The following CCDC88A variants were observed in gnomAD, a reference collection of about 807,000 sequenced individuals.
CCDC88A encodes girdin.
A neutral mutation model predicts 234.3 loss-of-function variants in CCDC88A; 54 were observed. That is an observed-to-expected ratio of 0.23 (90% CI 0.19 to 0.29). The LOEUF is 0.29. Ranked by LOEUF, CCDC88A falls within the 10% of genes least tolerant of loss-of-function variation. The pLI is 1.00. For missense variants in CCDC88A, 1,832 were observed against 2,123.4 expected (o/e 0.86, Z 2.70); for synonymous variants, 753 against 737.8 (o/e 1.02, Z -0.33).
chr2:55,316,353 C>T (rs1050946301), intron 21 of CCDC88A, among the ~76,000 whole-genome samples: 1 of 152,038 alleles, frequency 6.6e-6, no homozygotes, highest in African/African-American at 2.4e-5. Flanking sequence ...CCCATCTCCA[C>T]ACTGGGAAAA....
At chr2:55,370,494 A>T (rs1672654003) in intron 5 of CCDC88A, among the ~76,000 whole-genome samples, 1 of 151,864 alleles carries the variant, frequency 6.6e-6, no homozygotes. Flanking sequence ...ATAAAAAATT[A>T]GCCAGGTGTG....
At chr2:55,377,526 C>T (rs1673874363) in intron 3 of CCDC88A, among the ~76,000 whole-genome samples, 1 of 151,892 alleles carries the variant, frequency 6.6e-6, no homozygotes, top group African/African-American at 2.4e-5. Flanking sequence ...CTATATCCTA[C>T]TTTGTGAAGA....
rs1367595475 is a variant in CCDC88A at position 55,296,014 on chromosome 2, T to G, written c.5134A>C (p.Lys1712Gln). ...AAGTCAGAAGAGACAGACAAACTTT[T>G]CATTACTTCATCTAAAAGATTCTCT... is the stretch of plus-strand genomic sequence containing the variant. The part of the protein sequence containing the change: ...SQENLLDEVM[K>Q]SLSVSSDFLG... The change falls in exon 31 of 33, where the codon AAA (lysine) becomes CAA (glutamine). Residue 1712 changes from lysine (K) to glutamine (Q), a missense_variant. Coordinates refer to ENST00000436346, the MANE Select transcript of CCDC88A (RefSeq NM_001365480.1). 1 of 1,607,040 alleles carries G rather than the reference T, an allele frequency of 6.2e-7. No homozygotes were observed. Among genetic ancestry groups the G allele is most frequent in the Non-Finnish European group, 8.5e-7 (1 of 1,178,462 alleles).
chr2:55,344,040 T>C (rs1668810014), intron 11 of CCDC88A: 2 of 387,760 alleles, frequency 5.2e-6, no homozygotes, highest in Admixed American at 4.2e-5. Context: ...CATACTGTTT[T>C]AGTGATACAA....
chr2:55,354,260 C>T (rs1335114732), intron 8 of CCDC88A, among the ~76,000 whole-genome samples: 2 of 151,526 alleles, frequency 1.3e-5, no homozygotes, highest in African/African-American at 4.9e-5. Flanking sequence ...CCTGCCTCAG[C>T]CTCCCAGGTA....
intron 17 of CCDC88A, chr2:55,323,419 T>G (rs1683875683): frequency 6.6e-6 from 1 of 152,176 alleles, no homozygotes; most frequent in South Asian, 2.1e-4. Context: ...GACTCAACAA[T>G]TAATATTGCT....
chr2:55,402,113 TTTTG>T (rs1678804233), intron 2 of CCDC88A, among the ~76,000 whole-genome samples: 5 of 152,056 alleles, frequency 3.3e-5, no homozygotes, highest in Admixed American at 6.5e-5. Context: ...CCCAAAGAGC[TTTTG>T]TTTATGTGGG....
chr2:55,401,029 A>T (rs573675229), intron 2 of CCDC88A, among the ~76,000 whole-genome samples: 11 of 152,184 alleles, frequency 7.2e-5, no homozygotes, highest in Non-Finnish European at 1.5e-4. Flanking sequence ...CACCACCATT[A>T]AGGGTTATCC....
intron 2 of CCDC88A, among the ~76,000 whole-genome samples, chr2:55,398,504 T>G (rs1303983075): frequency 6.6e-6 from 1 of 152,136 alleles, no homozygotes; most frequent in East Asian, 1.9e-4. Flanking sequence ...ATGCCCAGTT[T>G]GAGTAAGGGC....
At chr2:55,311,377 C>T (rs1055044677) in intron 23 of CCDC88A, among the ~76,000 whole-genome samples, 2 of 152,174 alleles carry the variant, frequency 1.3e-5, no homozygotes, top group Non-Finnish European at 2.9e-5. Flanking sequence ...ATAATGTTCC[C>T]TGCCTGAAAT....
At chr2:55,389,360 A>C (rs976804334) in intron 2 of CCDC88A, among the ~76,000 whole-genome samples, 1 of 152,182 alleles carries the variant, frequency 6.6e-6, no homozygotes, top group African/African-American at 2.4e-5. Flanking sequence ...TTTTGGGTAA[A>C]ATTGTAGATT....
intron 2 of CCDC88A, among the ~76,000 whole-genome samples, chr2:55,409,494 C>T (rs1680110379): frequency 6.6e-6 from 1 of 152,182 alleles, no homozygotes; most frequent in Non-Finnish European, 1.5e-5. Context: ...TGCACCTCCC[C>T]CTTATTGTGG....
intron 3 of CCDC88A, among the ~76,000 whole-genome samples, chr2:55,377,459 GA>G (rs1673860370): frequency 7.5e-6 from 1 of 133,620 alleles, no homozygotes; most frequent in African/African-American, 2.9e-5. Flanking sequence ...TGCCCAGCGA[GA>G]TTTTTTTTTT....
intron 25 of CCDC88A, among the ~76,000 whole-genome samples, 163 bp from the exon 26 acceptor site, chr2:55,303,315 AATGAAAT>A (rs1681115185): frequency 1.3e-5 from 2 of 152,234 alleles, no homozygotes; most frequent in Admixed American, 6.5e-5. Context: ...GCTGAGTGAT[AATGAAAT>A]ATGAAATATG....
chr2:55,342,027 C>G (rs1668575379), intron 12 of CCDC88A, among the ~76,000 whole-genome samples: 1 of 152,032 alleles, frequency 6.6e-6, no homozygotes, highest in Admixed American at 6.6e-5. Flanking sequence ...GTTTACATTC[C>G]CACCTATTCC....
intron 3 of CCDC88A, among the ~76,000 whole-genome samples, chr2:55,383,201 A>G (rs1674893683): frequency 1.3e-5 from 2 of 152,164 alleles, no homozygotes; most frequent in Non-Finnish European, 2.9e-5. Flanking sequence ...TCTCCCTGGG[A>G]ATCATCTTTA....
chr2:55,293,945 G>A (rs1276347103), intron 31 of CCDC88A: 1 of 147,314 alleles, frequency 6.8e-6, no homozygotes, highest in African/African-American at 2.5e-5. Flanking sequence ...GCTAAAGAGT[G>A]TATTTATTCT....
chr2:55,419,007 C>T lies in CCDC88A; in HGVS notation c.63+10G>A, dbSNP rs1200347724. On this transcript the variant is annotated intron_variant, in intron 1 of 32. Transcript: ENST00000436346. Reference sequence around the variant, plus strand: ...TCAGCAAAATATACAATAAAGGACACCCCACTTACCCAAGTGACCAAAGGG... The same window carrying T: ...TCAGCAAAATATACAATAAAGGACATCCCACTTACCCAAGTGACCAAAGGG... 3.1e-6 allele frequency: 5 copies of T among 1,610,102 alleles called. No individual in the cohort carries two copies. In the African/African-American group the frequency reaches 4.0e-5, roughly 13 times the overall value.
chr2:55,319,061 G>A, intron 18 of CCDC88A, 57 bp from the exon 19 acceptor site: 2 of 1,395,904 alleles, frequency 1.4e-6, no homozygotes, highest in Non-Finnish European at 2.0e-6. Context: ...CATCAAATAT[G>A]TTTCTATAGT....
Sources: allele counts gnomAD v4.1 joint callset (sites outside exome capture counted in the v4.1 genomes callset), GRCh38; gene constraint gnomAD v4.1.1; transcripts MANE v1.5; gene names NCBI Gene and HGNC (gene_info 2026-07-23, HGNC 2026-07-21).